Variants in SH2D4B observed in about 807,000 individuals in gnomAD.
The protein encoded by SH2D4B is SH2 domain-containing protein 4B.
SH2D4B carries 45 observed loss-of-function variants against 61.5 expected under a neutral mutation model. The ratio of observed to expected loss-of-function variants is 0.73; its 90% CI spans 0.58 to 0.94. The LOEUF is 0.94. SH2D4B is among the 40% of genes least tolerant of loss of function. The pLI is 0.00. For missense variants in SH2D4B, 572 were observed against 574.2 expected (o/e 1.00, Z 0.04); for synonymous variants, 224 against 220.4 (o/e 1.02, Z -0.14).
rs760925486 is a variant in SH2D4B at position 80,570,354 on chromosome 10, A to G, written c.347+38A>G. 1.2e-5 allele frequency: 19 copies of G among 1,606,716 alleles called. No homozygotes were observed. In the South Asian group the frequency reaches 2.0e-4, roughly 17 times the overall value. On this transcript the variant is annotated intron_variant, in intron 2 of 7. Coordinates refer to ENST00000646907, the MANE Select transcript of SH2D4B (RefSeq NM_001388272.1). ...ATGGGGTGTTGGGTGGGGCCTAGGC[A>G]TGGAAGCTATGCTTAGCCCCACGCA...
At chr10:80,587,558 C>G (rs190264526) in intron 3 of SH2D4B, among the ~76,000 whole-genome samples, 67 of 150,982 alleles carry the variant, frequency 4.4e-4, no homozygotes, top group African/African-American at 1.2e-3. Context: ...GGATTACACG[C>G]GTGAGCCACG....
intron 3 of SH2D4B, among the ~76,000 whole-genome samples, chr10:80,578,334 T>C (rs1212867436): frequency 6.6e-6 from 1 of 152,124 alleles, no homozygotes; most frequent in African/African-American, 2.4e-5. Flanking sequence ...CTCTCTTTTT[T>C]TCCTGAGAAC....
intron 3 of SH2D4B, among the ~76,000 whole-genome samples, chr10:80,571,857 C>T (rs1411295609): frequency 1.3e-5 from 2 of 150,446 alleles, no homozygotes; most frequent in African/African-American, 2.4e-5. Context: ...ACTGCAAGCT[C>T]TGCCTCCCGG....
chr10:80,583,440 G>T (rs903329230), intron 3 of SH2D4B, among the ~76,000 whole-genome samples: 1 of 150,206 alleles, frequency 6.7e-6, no homozygotes, highest in Non-Finnish European at 1.5e-5. Context: ...AGGCTGAGGC[G>T]GGCGGATCAC....
chr10:80,542,612 T>C (rs576971093), intron 1 of SH2D4B, among the ~76,000 whole-genome samples: 38 of 152,032 alleles, frequency 2.5e-4, no homozygotes, highest in African/African-American at 8.9e-4. Flanking sequence ...GCCAGGCTGG[T>C]CTTGAACTCT....
intron 6 of SH2D4B, among the ~76,000 whole-genome samples, chr10:80,622,666 G>A (rs1214154985): frequency 6.6e-6 from 1 of 152,112 alleles, no homozygotes; most frequent in East Asian, 1.9e-4. Flanking sequence ...CCCAGGGTTG[G>A]GGAGGGCAGA....
rs72824338 is a variant in SH2D4B at position 80,539,864 on chromosome 10, C to T, written c.184+1349C>T. ...CAGGACCCTGCCGGGGAGGTTGGGG[C>T]AGAGCTGTGACTTGGCTGCAGGTGG... On this transcript the variant is annotated intron_variant, in intron 1 of 7. Transcript: ENST00000646907. The surrounding 1 kb of genome is among the most constrained non-coding windows in gnomAD (Gnocchi z 4.9). Among the ~76,000 whole-genome samples, 20,805 of 152,140 alleles carry T rather than the reference C, an allele frequency of 0.14. 1,491 individuals are homozygous for T. Among genetic ancestry groups the T allele is most frequent in the Non-Finnish European group, 0.15 (10,233 of 67,994 alleles).
At chr10:80,604,097 A>C (rs145248179) in intron 5 of SH2D4B, among the ~76,000 whole-genome samples, 74 of 152,284 alleles carry the variant, frequency 4.9e-4, no homozygotes, top group African/African-American at 1.8e-3. Context: ...AAGATCTAGA[A>C]TGTTTGCATA....
At chr10:80,586,406 T>C (rs1161307916) in intron 3 of SH2D4B, among the ~76,000 whole-genome samples, 2 of 137,742 alleles carry the variant, frequency 1.5e-5, no homozygotes, top group Admixed American at 1.4e-4. Context: ...ATCGGCACTC[T>C]GTATCTAGCT....
intron 1 of SH2D4B, among the ~76,000 whole-genome samples, chr10:80,547,506 T>A (rs949964687): frequency 6.7e-6 from 1 of 150,336 alleles, no homozygotes; most frequent in African/African-American, 2.5e-5. Flanking sequence ...TCTTTGTAGC[T>A]GTTGTTCACA....
intron 1 of SH2D4B, among the ~76,000 whole-genome samples, chr10:80,553,895 G>A (rs536338264): frequency 6.6e-6 from 1 of 152,318 alleles, no homozygotes; most frequent in South Asian, 2.1e-4. Flanking sequence ...CTTTCTAACT[G>A]TGGCTGTTTC....
At chr10:80,600,521 A>G (rs1878042) in intron 4 of SH2D4B, among the ~76,000 whole-genome samples, 13,219 of 127,864 alleles carry the variant, frequency 0.1, 679 homozygotes, top group African/African-American at 0.15. Context: ...GCAGAGTGGC[A>G]TGTGTGTGTG....
intron 3 of SH2D4B, among the ~76,000 whole-genome samples, chr10:80,580,842 T>C (rs1842178277): frequency 6.6e-6 from 1 of 152,110 alleles, no homozygotes; most frequent in Admixed American, 6.5e-5. Flanking sequence ...TCAGAGGGCT[T>C]TGGGCAGCCA....
At chr10:80,564,282 A>G (rs1185605201) in intron 1 of SH2D4B, among the ~76,000 whole-genome samples, 2 of 152,342 alleles carry the variant, frequency 1.3e-5, no homozygotes, top group Non-Finnish European at 2.9e-5. Context: ...CAAGTTTCCA[A>G]GTCTTCCTTT....
At chr10:80,629,619 T>TACC (rs757670380) in intron 6 of SH2D4B, among the ~76,000 whole-genome samples, 22 of 152,176 alleles carry the variant, frequency 1.4e-4, no homozygotes, top group Non-Finnish European at 2.4e-4. Flanking sequence ...CCATTGCAGC[T>TACC]ACCAGCACCA....
chr10:80,554,234 G>C (rs1463522309), intron 1 of SH2D4B, among the ~76,000 whole-genome samples: 1 of 152,220 alleles, frequency 6.6e-6, no homozygotes, highest in Non-Finnish European at 1.5e-5. Context: ...TTCTCTGAGA[G>C]GGGCCGTATC....
At chr10:80,552,321 G>A (rs538941401) in intron 1 of SH2D4B, among the ~76,000 whole-genome samples, 1 of 152,128 alleles carries the variant, frequency 6.6e-6, no homozygotes, top group African/African-American at 2.4e-5. Flanking sequence ...CCCAGGGACT[G>A]TTTGAACAGG....
chr10:80,592,876 TA>T (rs568579702), intron 4 of SH2D4B, among the ~76,000 whole-genome samples: 54 of 140,696 alleles, frequency 3.8e-4, no homozygotes, highest in African/African-American at 1.5e-3. Context: ...CCACCATGCC[TA>T]GTTTTTTTTT....
At chr10:80,563,788 G>T (rs1436459626) in intron 1 of SH2D4B, among the ~76,000 whole-genome samples, 1 of 152,136 alleles carries the variant, frequency 6.6e-6, no homozygotes, top group Non-Finnish European at 1.5e-5. Flanking sequence ...TTGTCCTAAA[G>T]GATGCATTAT....
Sources: allele counts gnomAD v4.1 joint callset (sites outside exome capture counted in the v4.1 genomes callset), GRCh38; gene constraint gnomAD v4.1.1; non-coding constraint Gnocchi (gnomAD v3.1); transcripts MANE v1.5; gene names NCBI Gene and HGNC (gene_info 2026-07-23, HGNC 2026-07-21).